ANKRD44: variants seen among roughly 807,000 people sequenced by gnomAD.
ANKRD44 encodes serine/threonine-protein phosphatase 6 regulatory ankyrin repeat subunit B.
Under a neutral mutation model 116.0 loss-of-function variants are expected in ANKRD44, and 35 were observed. The observed-to-expected ratio is 0.30, with a 90% CI of 0.23 to 0.40. The LOEUF (loss-of-function observed/expected upper bound fraction) is 0.40. Among genes scored for constraint, ANKRD44 ranks in the 10% least tolerant of loss-of-function variants. The pLI is 1.00. For missense variants in ANKRD44, 1,014 were observed against 1,242.6 expected, an observed-to-expected ratio of 0.82 and a Z score of 2.77; for synonymous variants, 435 against 461.8, an observed-to-expected ratio of 0.94 and a Z score of 0.74.
intron 1 of ANKRD44, 57 bp from the exon 2 acceptor site, chr2:197,187,163 A>G: frequency 1.3e-6 from 2 of 1,493,168 alleles, no homozygotes; most frequent in Non-Finnish European, 1.9e-6. Flanking sequence ...GATCACATAC[A>G]GATGCAGATG....
chr2:197,053,945 C>T (rs1313607642), intron 16 of ANKRD44, among the ~76,000 whole-genome samples: 1 of 152,152 alleles, frequency 6.6e-6, no homozygotes. Context: ...TATTCAAGAA[C>T]TAATTTATCA....
intron 18 of ANKRD44, among the ~76,000 whole-genome samples, chr2:197,010,093 G>T (rs963192306): frequency 2.6e-5 from 4 of 152,094 alleles, no homozygotes; most frequent in Non-Finnish European, 5.9e-5. Context: ...GAAGTGGAGG[G>T]GAGAGGGGAG....
At position 197,118,637 on chromosome 2, in the gene ANKRD44, G is replaced by GAGAGAGAGAAAGAA. The variant is rs773839262; in HGVS notation, c.906+2694_906+2695insTTCTTTCTCTCTCT. On this transcript the variant is annotated intron_variant, in intron 8 of 27. Transcript: ENST00000282272. Reference sequence around the variant, plus strand: ...AGAAAGAGAGAGAGAGAGAGAGAGAGAGAAAGAAAGAAAGAAAGAAAGAAA... The same window carrying GAGAGAGAGAAAGAA: ...AGAAAGAGAGAGAGAGAGAGAGAGAGAGAGAGAGAAAGAAAGAAAGAAAGAAAGAAAGAAAGAAA... Among the ~76,000 whole-genome samples, 20 of 112,440 alleles carry GAGAGAGAGAAAGAA rather than the reference G, an allele frequency of 1.8e-4. No individual in the cohort carries two copies. The South Asian group carries it at 2.4e-3, about 14-fold the overall frequency. 73.8% of individuals were successfully genotyped at this position (112,440 alleles called of 152,430 possible).
chr2:197,273,984 T>A (rs1163942043), intron 1 of ANKRD44, among the ~76,000 whole-genome samples: 11,493 of 28,930 alleles, frequency 0.4, 1,824 homozygotes, highest in South Asian at 0.48. Flanking sequence ...AAAAAAAATA[T>A]ATATATATAT....
chr2:197,276,541 CT>C (rs1185739581), intron 1 of ANKRD44, among the ~76,000 whole-genome samples: 1 of 152,022 alleles, frequency 6.6e-6, no homozygotes, highest in Non-Finnish European at 1.5e-5. Context: ...TAAATACAAA[CT>C]GATTTATGAG....
chr2:197,112,103 A>G (rs2078582134), intron 8 of ANKRD44, among the ~76,000 whole-genome samples: 1 of 152,342 alleles, frequency 6.6e-6, no homozygotes, highest in East Asian at 1.9e-4. Context: ...GGCCCAAAAG[A>G]AAATATTACT....
chr2:196,977,428 G>C (rs1275268296), intron 21 of ANKRD44, among the ~76,000 whole-genome samples: 3 of 152,202 alleles, frequency 2.0e-5, no homozygotes, highest in Non-Finnish European at 4.4e-5. Flanking sequence ...TGGAATGGGA[G>C]AAAATATTTG....
intron 1 of ANKRD44, among the ~76,000 whole-genome samples, chr2:197,261,105 G>T (rs1464342521): frequency 6.6e-6 from 1 of 151,440 alleles, no homozygotes; most frequent in African/African-American, 2.4e-5. Flanking sequence ...GTCAACTTTG[G>T]CTTTTGTTGC....
intron 16 of ANKRD44, among the ~76,000 whole-genome samples, chr2:197,068,217 C>T (rs866455893): frequency 2.7e-5 from 2 of 73,602 alleles, no homozygotes; most frequent in African/African-American, 5.5e-5. Context: ...GTGGTGGGGT[C>T]GGGGGAGGGG....
At chr2:196,994,765 C>T (rs2075983717) in intron 26 of ANKRD44, 1 of 151,578 alleles carries the variant, frequency 6.6e-6, no homozygotes, top group Non-Finnish European at 1.5e-5. Context: ...TCAAGTAATC[C>T]AACTGCCTCG....
intron 4 of ANKRD44, among the ~76,000 whole-genome samples, chr2:197,127,456 C>G (rs72926624): frequency 0.022 from 3,412 of 152,112 alleles, 60 homozygotes; most frequent in Middle Eastern, 0.054. Flanking sequence ...CTTGGTTTTA[C>G]AAGGGAGTAA....
intron 16 of ANKRD44, among the ~76,000 whole-genome samples, chr2:197,070,704 C>CTGTG (rs74281028): frequency 0.099 from 15,016 of 151,228 alleles, 882 homozygotes; most frequent in East Asian, 0.13. Flanking sequence ...CTCTCGCTCT[C>CTGTG]TGTGTGTGTG....
Position 197,037,125 on chromosome 2 carries a change from C to A in ANKRD44, c.1651-11858G>T, listed in dbSNP as rs143443953. Among the ~76,000 whole-genome samples, 465 of 152,282 alleles carry A rather than the reference C, an allele frequency of 3.1e-3. 2 individuals carry two copies. Among genetic ancestry groups the A allele is most frequent in the African/African-American group, 0.011 (439 of 41,550 alleles). ...TGGATAAGGAAACCTGAAGGAAATA[C>A]ACCAAAACGTTCATATGAGCGGAGG... On this transcript the variant is annotated intron_variant, in intron 16 of 27. Coordinates refer to ENST00000282272, the MANE Select transcript of ANKRD44 (RefSeq NM_001195144.2).
intron 1 of ANKRD44, among the ~76,000 whole-genome samples, chr2:197,261,294 A>G (rs1163048866): frequency 6.6e-6 from 1 of 151,842 alleles, no homozygotes; most frequent in Non-Finnish European, 1.5e-5. Flanking sequence ...CTTTCTACAT[A>G]TGGCTAGCCA....
rs1391845822 is a variant in ANKRD44, at chr2:197,125,456, G to A, written c.475C>T (p.Leu159Phe). 6.2e-7 allele frequency: 1 copy of A among 1,613,762 alleles called. No individual in the cohort carries two copies. Among genetic ancestry groups the A allele is most frequent in the Non-Finnish European group, 8.5e-7 (1 of 1,179,938 alleles). ...LNGHVEMVNL[L>F]LAKGANINAF... Reference sequence around the variant, plus strand: ...TTGATATTTGCCCCTTTGGCCAAGAGTAAATTGACCATCTGAAAGATAACC... The same window carrying A: ...TTGATATTTGCCCCTTTGGCCAAGAATAAATTGACCATCTGAAAGATAACC... Residue 159 changes from leucine (L) to phenylalanine (F), a missense_variant, in exon 6 of 28, where the codon CTC becomes TTC. Leu to Phe is a conservative substitution (Grantham distance 22, BLOSUM62 0). Transcript: ENST00000282272.
At chr2:197,068,469 T>C (rs924109460) in intron 16 of ANKRD44, among the ~76,000 whole-genome samples, 4 of 147,150 alleles carry the variant, frequency 2.7e-5, no homozygotes, top group African/African-American at 9.9e-5. Flanking sequence ...AAATGGGATC[T>C]AATTAAACTA....
At chr2:197,295,828 G>T (rs558486513) in intron 1 of ANKRD44, among the ~76,000 whole-genome samples, 1 of 152,142 alleles carries the variant, frequency 6.6e-6, no homozygotes. Context: ...GGGAGGCTGA[G>T]GTGGGCAGAT....
chr2:197,290,257 C>T (rs2083523587), intron 1 of ANKRD44, among the ~76,000 whole-genome samples: 2 of 152,194 alleles, frequency 1.3e-5, no homozygotes, highest in South Asian at 2.1e-4. Flanking sequence ...TCCACACCAA[C>T]ATCTATTGTG....
rs571396087 is a variant in ANKRD44, at chr2:197,020,354, A to G, written c.1722+4842T>C. Among the ~76,000 whole-genome samples the G allele has an allele frequency of 5.8e-4, 88 of 152,340 alleles. 1 individual carries two copies. The highest frequency in any genetic ancestry group is 2.0e-3 in the African/African-American group (83 of 41,590). ...ACCCATACTTTCTTCTATACCAGGC[A>G]CTTGAAAACCCTCTTAAAGACAGAA... On this transcript the variant is annotated intron_variant, in intron 17 of 27. Coordinates refer to ENST00000282272, the MANE Select transcript of ANKRD44 (RefSeq NM_001195144.2).
Sources: allele counts gnomAD v4.1 joint callset (sites outside exome capture counted in the v4.1 genomes callset), GRCh38; gene constraint gnomAD v4.1.1; transcripts MANE v1.5; gene names NCBI Gene and HGNC (gene_info 2026-07-23, HGNC 2026-07-21).